ABHD10: variants seen among roughly 807,000 people sequenced by gnomAD.
ABHD10 encodes the protein abhydrolase domain containing 10, depalmitoylase.
In ABHD10, 22 loss-of-function variants were observed where a neutral mutation model predicts 33.1. The observed-to-expected ratio is 0.66, with a 90% CI of 0.47 to 0.95. ABHD10 has a LOEUF of 0.95. Among genes scored for constraint, ABHD10 ranks in the 40% least tolerant of loss-of-function variants. The probability of loss-of-function intolerance (pLI) is 0.00; values close to 1 mark genes in which losing one functional copy is unlikely to be tolerated. For missense variants in ABHD10, 352 were observed against 379.9 expected, an observed-to-expected ratio of 0.93 and a Z score of 0.61; for synonymous variants, 146 against 133.9, an observed-to-expected ratio of 1.09 and a Z score of -0.62.
At position 111,979,220 on chromosome 3, in the gene ABHD10, C is replaced by A; in HGVS notation, c.142+17C>A. 1 of 1,586,336 alleles carries A rather than the reference C, an allele frequency of 6.3e-7. No homozygotes were observed. On this transcript the variant is annotated intron_variant, in intron 1 of 4. Transcript: ENST00000273359. The stretch of plus-strand genomic sequence containing the variant: ...GGCTCCCAGGTCAGTGTCCGAAAGG[C>A]GGGAGTAGGATGCGTTCTTTCGAAC...
Position 111,993,168 on chromosome 3 carries a change from T to G in ABHD10, c.*1447T>G, listed in dbSNP as rs1423705102. The G allele has an allele frequency of 6.6e-6, 1 of 152,190 alleles. No homozygotes were observed. The highest frequency in any genetic ancestry group is 1.5e-5 in the Non-Finnish European group (1 of 68,030). The allele number at this position is 152,190 out of a possible 1,614,324, so 9.4% of individuals were successfully genotyped here. A position where few individuals can be genotyped will look rare whatever the true frequency, so the allele number is the denominator to read the frequency against. The stretch of plus-strand genomic sequence containing the variant: ...AGGCACTCAGTCTCTAACAAGCTTT[T>G]CTGGTTGACAGTGTTTCACAAGTGC... On this transcript the variant is annotated 3_prime_UTR_variant, in exon 5 of 5. Transcript: ENST00000273359.
rs199640597 is a variant in ABHD10 at position 111,987,323 on chromosome 3, CT to C, written c.576+281del. On this transcript the variant is annotated intron_variant, in intron 4 of 4. Transcript: ENST00000273359. ...TTAACAATATCACACTTTGAAGTTT[CT>C]TTTTTTTTAGCCACATTTTCTTTAT... 6.2e-3 allele frequency among the ~76,000 whole-genome samples: 934 copies of C among 151,252 alleles called. 11 individuals are homozygous for C. Among genetic ancestry groups the C allele is most frequent in the African/African-American group, 0.022 (892 of 41,276 alleles).
At chr3:111,986,738 G>T (rs2072669110) in intron 3 of ABHD10, among the ~76,000 whole-genome samples, 176 bp from the exon 4 acceptor site, 1 of 152,142 alleles carries the variant, frequency 6.6e-6, no homozygotes. Context: ...CCCGGCCTAA[G>T]CTGTTTCTTT....
At chr3:111,988,739 AC>A (rs2072704461) in intron 4 of ABHD10, among the ~76,000 whole-genome samples, 1 of 151,892 alleles carries the variant, frequency 6.6e-6, no homozygotes, top group Non-Finnish European at 1.5e-5. Context: ...ACAAGTGCAC[AC>A]CACTATGCCT....
rs2072744178 is a variant in ABHD10 at position 111,991,859 on chromosome 3, A to G, written c.*138A>G. ...TAAGATGAGTATTATTTAATGATGT[A>G]TTTGCATAAGTAATGCAAATTGTGA... On this transcript the variant is annotated 3_prime_UTR_variant, in exon 5 of 5. Coordinates refer to ENST00000273359, the MANE Select transcript of ABHD10 (RefSeq NM_018394.4). 6.1e-6 allele frequency: 4 copies of G among 658,184 alleles called. No individual in the cohort carries two copies. The highest frequency in any genetic ancestry group is 3.8e-5 in the African/African-American group (2 of 52,430). The allele number at this position is 658,184 out of a possible 1,614,324, so 40.8% of individuals were successfully genotyped here.
At chr3:111,984,016 A>C (rs890381562) in intron 2 of ABHD10, among the ~76,000 whole-genome samples, 7 of 152,194 alleles carry the variant, frequency 4.6e-5, no homozygotes, top group African/African-American at 1.7e-4. Flanking sequence ...ATTTTCCTTC[A>C]TGAAGGAGCT....
chr3:111,988,783 T>G (rs2072705222), intron 4 of ABHD10, among the ~76,000 whole-genome samples: 2 of 151,848 alleles, frequency 1.3e-5, no homozygotes, highest in African/African-American at 4.8e-5. Flanking sequence ...AGCGATGGGG[T>G]CTCGCCATGT....
At chr3:111,982,529 C>CT (rs1319978721) in intron 2 of ABHD10, among the ~76,000 whole-genome samples, 106 of 152,124 alleles carry the variant, frequency 7.0e-4, no homozygotes, top group African/African-American at 2.4e-3. Context: ...TAAGGTCTAC[C>CT]TGTAGCAGTT....
intron 1 of ABHD10, among the ~76,000 whole-genome samples, chr3:111,980,903 G>A (rs747660116): frequency 6.6e-6 from 1 of 152,132 alleles, no homozygotes; most frequent in Non-Finnish European, 1.5e-5. Flanking sequence ...TAGGCGGATG[G>A]GTGGGCGGGT....
chr3:111,979,223 G>A lies in ABHD10; in HGVS notation c.142+20G>A, dbSNP rs370932732. The A allele has an allele frequency of 2.9e-4, 463 of 1,583,118 alleles. 6 individuals carry two copies. In the South Asian group the frequency reaches 3.5e-3, roughly 12 times the overall value. On this transcript the variant is annotated intron_variant, in intron 1 of 4. Transcript: ENST00000273359. ...TCCCAGGTCAGTGTCCGAAAGGCGG[G>A]AGTAGGATGCGTTCTTTCGAACGCC... is the stretch of plus-strand genomic sequence containing the variant.
chr3:111,991,741 A>G lies in ABHD10; in HGVS notation c.*20A>G. On this transcript the variant is annotated 3_prime_UTR_variant, in exon 5 of 5. Coordinates refer to ENST00000273359, the MANE Select transcript of ABHD10 (RefSeq NM_018394.4). ...AACTAGTATCACATGTTTAGTTGGT[A>G]TGTAAACTAATGTATCCAGAAGATT... 1.9e-6 allele frequency: 3 copies of G among 1,543,306 alleles called. No individual in the cohort carries two copies. The highest frequency in any genetic ancestry group is 2.3e-5 in the South Asian group (2 of 87,448).
At chr3:111,979,959 C>G (rs1175840933) in intron 1 of ABHD10, among the ~76,000 whole-genome samples, 1 of 152,086 alleles carries the variant, frequency 6.6e-6, no homozygotes, top group Non-Finnish European at 1.5e-5. Flanking sequence ...TTGTGCGCAA[C>G]CAAAAGGCAT....
chr3:111,979,191 C>A lies in ABHD10; in HGVS notation c.130C>A (p.Arg44=). ...LLARIPQRAP[R]WLPACRQKTS... ...TGCACGGATACCTCAGCGGGCGCCA[C>A]GGTGGCTCCCAGGTCAGTGTCCGAA... Residue 44 remains arginine (R), a synonymous_variant, in exon 1 of 5, where the codon CGG becomes AGG. Coordinates refer to ENST00000273359, the MANE Select transcript of ABHD10 (RefSeq NM_018394.4). The A allele has an allele frequency of 6.2e-7, 1 of 1,604,190 alleles. No individual in the cohort carries two copies. Among genetic ancestry groups the A allele is most frequent in the Non-Finnish European group, 8.5e-7 (1 of 1,173,546 alleles).
In ABHD10 at chr3:111,986,165, T is replaced by A. The variant is rs550927889; in HGVS notation, c.327-99T>A. The A allele has an allele frequency of 5.9e-4, 374 of 633,160 alleles. 3 individuals carry two copies. Among genetic ancestry groups the A allele is most frequent in the Admixed American group, 1.4e-3 (45 of 33,318 alleles). The allele number at this position is 633,160 out of a possible 1,614,324, so 39.2% of individuals were successfully genotyped here. On this transcript the variant is annotated intron_variant, in intron 2 of 4. Transcript: ENST00000273359. ...ATACATATTGATTGTGATGTTTCAC[T>A]ATAAGCATTATAGTAATGAGGAAGG... is the stretch of plus-strand genomic sequence containing the variant.
intron 1 of ABHD10, among the ~76,000 whole-genome samples, chr3:111,980,895 G>A (rs2107708622): frequency 6.6e-6 from 1 of 152,292 alleles, no homozygotes; most frequent in East Asian, 1.9e-4. Flanking sequence ...GGTTGAGGTA[G>A]GCGGATGGGT....
At chr3:111,987,721 C>G (rs2072686766) in intron 4 of ABHD10, among the ~76,000 whole-genome samples, 1 of 152,130 alleles carries the variant, frequency 6.6e-6, no homozygotes, top group Non-Finnish European at 1.5e-5. Context: ...ACAGAGGTAA[C>G]CTTTTTTTTC....
intron 2 of ABHD10, among the ~76,000 whole-genome samples, chr3:111,983,284 G>T (rs2107710242): frequency 6.6e-6 from 1 of 152,240 alleles, no homozygotes; most frequent in East Asian, 1.9e-4. Context: ...ACTGTCCTGA[G>T]CAGAAGATCA....
rs1302365576 is a variant in ABHD10, at chr3:111,992,892, AGT to A, written c.*1174_*1175del. The A allele has an allele frequency of 6.6e-6, 1 of 152,346 alleles. No individual in the cohort carries two copies. The highest frequency in any genetic ancestry group is 1.9e-4 in the East Asian group (1 of 5,186). The allele number at this position is 152,346 out of a possible 1,614,324, so 9.4% of individuals were successfully genotyped here. A position where few individuals can be genotyped will look rare whatever the true frequency, so the allele number is the denominator to read the frequency against. The stretch of plus-strand genomic sequence containing the variant: ...GAGATAAAATTGCTGTGCAGAAAAA[AGT>A]GTTAATGAAGCCGACCTGACTACTT... On this transcript the variant is annotated 3_prime_UTR_variant, in exon 5 of 5. Transcript: ENST00000273359.
intron 3 of ABHD10, among the ~76,000 whole-genome samples, 155 bp downstream of exon 3, chr3:111,986,530 G>T (rs562270040): frequency 1.3e-5 from 2 of 152,296 alleles, no homozygotes; most frequent in Non-Finnish European, 1.5e-5. Flanking sequence ...CTGCCTCCCG[G>T]GTTCACGGCA....
Sources: allele counts gnomAD v4.1 joint callset (sites outside exome capture counted in the v4.1 genomes callset), GRCh38; gene constraint gnomAD v4.1.1; transcripts MANE v1.5; gene names NCBI Gene and HGNC (gene_info 2026-07-23, HGNC 2026-07-21).